SKP1: variants seen among roughly 807,000 people sequenced by gnomAD.
SKP1 encodes S-phase kinase-associated protein 1.
In SKP1, 1 loss-of-function variant was observed where a neutral mutation model predicts 21.5. The ratio of observed to expected loss-of-function variants is 0.05; its 90% CI spans 0.02 to 0.22. The LOEUF is 0.22. Ranked by LOEUF, SKP1 falls within the 10% of genes least tolerant of loss-of-function variation. The pLI, the probability that SKP1 is intolerant of heterozygous loss-of-function variation, is 1.00. For synonymous variants in SKP1, 59 were observed against 59.3 expected (o/e 0.99, Z 0.03); for missense variants, 70 against 192.0 (o/e 0.36, Z 3.76).
chr5:134,166,318 C>T (rs1156423351), intron 3 of SKP1, among the ~76,000 whole-genome samples: 1 of 150,500 alleles, frequency 6.6e-6, no homozygotes, highest in African/African-American at 2.4e-5. Flanking sequence ...CGCGGTGGCT[C>T]ACACCTGTGA....
At chr5:134,159,790 G>A (rs1761185997) in intron 4 of SKP1, among the ~76,000 whole-genome samples, 1 of 151,768 alleles carries the variant, frequency 6.6e-6, no homozygotes, top group African/African-American at 2.4e-5. Flanking sequence ...CTCGTGATCC[G>A]CCCACCTTGG....
intron 2 of SKP1, among the ~76,000 whole-genome samples, chr5:134,168,679 T>C (rs931789475): frequency 6.6e-6 from 1 of 152,094 alleles, no homozygotes; most frequent in South Asian, 2.1e-4. Context: ...CCTAATTCTG[T>C]CTGCATTTTG....
chr5:134,157,972 A>G, intron 5 of SKP1: 1 of 1,517,782 alleles, frequency 6.6e-7, no homozygotes, highest in Non-Finnish European at 8.8e-7. Flanking sequence ...TGAAATTATG[A>G]ACAAAGCAAA....
At chr5:134,162,509 G>A (rs974705398) in intron 3 of SKP1, among the ~76,000 whole-genome samples, 1 of 152,120 alleles carries the variant, frequency 6.6e-6, no homozygotes, top group African/African-American at 2.4e-5. Flanking sequence ...GGGTTCAAGC[G>A]ATTCTCCTGC....
At chr5:134,163,296 A>C (rs1350305814) in intron 3 of SKP1, among the ~76,000 whole-genome samples, 1 of 151,634 alleles carries the variant, frequency 6.6e-6, no homozygotes, top group Non-Finnish European at 1.5e-5. Flanking sequence ...ATATATAAAG[A>C]AACTAATGCC....
At position 134,152,733 on chromosome 5, in the gene SKP1, G is replaced by A. The variant is rs958511441; in HGVS notation, c.*5000C>T. The A allele has an allele frequency of 6.6e-6, 1 of 152,220 alleles. No homozygotes were observed. The allele number at this position is 152,220 out of a possible 1,614,324, so 9.4% of individuals were successfully genotyped here. ...ATTTTTGTATTTTTAGTAGAGATGA[G>A]GTTTCACCATGTTGGCCAGGATGGT... is the stretch of plus-strand genomic sequence containing the variant. On this transcript the variant is annotated 3_prime_UTR_variant, in exon 6 of 6. Coordinates refer to ENST00000353411, the MANE Select transcript of SKP1 (RefSeq NM_170679.3).
Position 134,151,655 on chromosome 5 carries a change from G to C in SKP1, c.*6078C>G. Reference sequence around the variant, plus strand: ...GTCTGAATATACTTAAATACTTCCAGAAAATTTAAAGTTGACAGATATCAG... The same window carrying C: ...GTCTGAATATACTTAAATACTTCCACAAAATTTAAAGTTGACAGATATCAG... On this transcript the variant is annotated 3_prime_UTR_variant, in exon 6 of 6. Transcript: ENST00000353411. The C allele has an allele frequency of 2.2e-6, 1 of 456,102 alleles. No individual in the cohort carries two copies. Among genetic ancestry groups the C allele is most frequent in the Non-Finnish European group, 4.4e-6 (1 of 226,870 alleles). The allele number at this position is 456,102 out of a possible 1,614,324, so 28.3% of individuals were successfully genotyped here.
Position 134,156,924 on chromosome 5 carries a change from C to T in SKP1, c.*809G>A, listed in dbSNP as rs1219156948. The stretch of plus-strand genomic sequence containing the variant: ...AAGTATCTTGCATTCATGATGGATG[C>T]TTTCTGGGTTTTACCACATATTTTA... On this transcript the variant is annotated 3_prime_UTR_variant, in exon 6 of 6. Coordinates refer to ENST00000353411, the MANE Select transcript of SKP1 (RefSeq NM_170679.3). The T allele has an allele frequency of 6.6e-6, 1 of 152,638 alleles. No individual in the cohort carries two copies. The highest frequency in any genetic ancestry group is 2.4e-5 in the African/African-American group (1 of 41,446). The allele number at this position is 152,638 out of a possible 1,614,324, so 9.5% of individuals were successfully genotyped here.
Position 134,152,780 on chromosome 5 carries a change from T to G in SKP1, c.*4953A>C, listed in dbSNP as rs775519640. On this transcript the variant is annotated 3_prime_UTR_variant, in exon 6 of 6. Coordinates refer to ENST00000353411, the MANE Select transcript of SKP1 (RefSeq NM_170679.3). ...TGGTCTCGATCTCTTGACCTCGTGA[T>G]CTGCACACCTCAGCCTCTGAAAATG... 6.6e-6 allele frequency: 1 copy of G among 152,352 alleles called. No individual in the cohort carries two copies. Among genetic ancestry groups the G allele is most frequent in the Non-Finnish European group, 1.5e-5 (1 of 68,142 alleles). The allele number at this position is 152,352 out of a possible 1,614,324, so 9.4% of individuals were successfully genotyped here.
chr5:134,165,299 T>C lies in SKP1; in HGVS notation c.171+1871A>G, dbSNP rs572123056. ...AAAACAGAGAAATGAAAACAGACAA[T>C]GCAGAAAATGTAAATGGCCAGTAAC... On this transcript the variant is annotated intron_variant, in intron 3 of 5. Transcript: ENST00000353411. Among the ~76,000 whole-genome samples, 453 of 152,154 alleles carry C rather than the reference T, an allele frequency of 3.0e-3. 2 individuals are homozygous for C. The highest frequency in any genetic ancestry group is 5.4e-3 in the Non-Finnish European group (364 of 68,024).
In SKP1 at chr5:134,151,061, T is replaced by C. The variant is rs1761035440; in HGVS notation, c.*6672A>G. ...TACTATCACAAGCAGTCCTCACAAG[T>C]TAGGTCACTATTGGTAAGGGATGTT... On this transcript the variant is annotated 3_prime_UTR_variant, in exon 6 of 6. Coordinates refer to ENST00000353411, the MANE Select transcript of SKP1 (RefSeq NM_170679.3). 2 of 152,346 alleles carry C rather than the reference T, an allele frequency of 1.3e-5. No homozygotes were observed. The highest frequency in any genetic ancestry group is 2.1e-4 in the South Asian group (1 of 4,826). 9.4% of individuals were successfully genotyped at this position (152,346 alleles called of 1,614,324 possible).
rs1761055936 is a variant in SKP1, at chr5:134,152,310, T to C, written c.*5423A>G. ...CTGAGTGTCAGCAAAGTACTGTGAC[T>C]AATCCTGCCCTAATTTCTCTTTAGT... is the stretch of plus-strand genomic sequence containing the variant. On this transcript the variant is annotated 3_prime_UTR_variant, in exon 6 of 6. Transcript: ENST00000353411. 6.6e-6 allele frequency: 1 copy of C among 152,272 alleles called. No individual in the cohort carries two copies. Among genetic ancestry groups the C allele is most frequent in the Admixed American group, 6.5e-5 (1 of 15,284 alleles). 9.4% of individuals were successfully genotyped at this position (152,272 alleles called of 1,614,324 possible).
In SKP1 at chr5:134,151,499, TAAG is replaced by T. The variant is rs537405207; in HGVS notation, c.*6231_*6233del. On this transcript the variant is annotated 3_prime_UTR_variant, in exon 6 of 6. Coordinates refer to ENST00000353411, the MANE Select transcript of SKP1 (RefSeq NM_170679.3). ...GTACATTCAGGAAAGAAAGGACAAA[TAAG>T]AATTTTCACCAGATAGGTGGGAGGT... 1.3e-3 allele frequency: 431 copies of T among 323,480 alleles called. No homozygotes were observed. The highest frequency in any genetic ancestry group is 8.5e-3 in the African/African-American group (391 of 46,078). 20.0% of individuals were successfully genotyped at this position (323,480 alleles called of 1,614,324 possible).
At position 134,154,473 on chromosome 5, in the gene SKP1, T is replaced by C. The variant is rs541078503; in HGVS notation, c.*3260A>G. 1.6e-4 allele frequency: 20 copies of C among 126,472 alleles called. No individual in the cohort carries two copies. Among genetic ancestry groups the C allele is most frequent in the African/African-American group, 6.1e-4 (20 of 32,680 alleles). The allele number at this position is 126,472 out of a possible 1,614,324, so 7.8% of individuals were successfully genotyped here. A position where few individuals can be genotyped will look rare whatever the true frequency, so the allele number is the denominator to read the frequency against. On this transcript the variant is annotated 3_prime_UTR_variant, in exon 6 of 6. Coordinates refer to ENST00000353411, the MANE Select transcript of SKP1 (RefSeq NM_170679.3). ...AAAAAAAAAAAAAAAAAAAAAAAAATTATTAGAATTTGAGGGGGCACATCT... is the reference window on the plus strand; with the variant it reads ...AAAAAAAAAAAAAAAAAAAAAAAAACTATTAGAATTTGAGGGGGCACATCT...
At chr5:134,162,874 A>C (rs2149374312) in intron 3 of SKP1, among the ~76,000 whole-genome samples, 1 of 152,110 alleles carries the variant, frequency 6.6e-6, no homozygotes, top group East Asian at 1.9e-4. Context: ...GAAGTTCAAG[A>C]ATAGCCTGGG....
chr5:134,166,455 C>T (rs1306821490), intron 3 of SKP1, among the ~76,000 whole-genome samples: 1 of 151,076 alleles, frequency 6.6e-6, no homozygotes, highest in Non-Finnish European at 1.5e-5. Flanking sequence ...GTGGCGTGTG[C>T]CTGTAGTCCC....
At chr5:134,167,324 G>C (rs1210828355) in intron 2 of SKP1, 81 bp from the exon 3 acceptor site, 1 of 887,456 alleles carries the variant, frequency 1.1e-6, no homozygotes, top group Non-Finnish European at 1.9e-6. Flanking sequence ...CAAAACATAA[G>C]AGTCAGCCCC....
At chr5:134,175,899 G>A (rs1293524304) in intron 1 of SKP1, among the ~76,000 whole-genome samples, 1 of 151,404 alleles carries the variant, frequency 6.6e-6, no homozygotes, top group African/African-American at 2.4e-5. Flanking sequence ...AATTCTCCAT[G>A]GCCAGCATAA....
intron 3 of SKP1, chr5:134,161,384 A>G (rs930328645): frequency 3.1e-6 from 1 of 324,892 alleles, no homozygotes; most frequent in Non-Finnish European, 5.6e-6. Context: ...TTCTATGCAA[A>G]AAGAAAAGTT....
Sources: allele counts gnomAD v4.1 joint callset (sites outside exome capture counted in the v4.1 genomes callset), GRCh38; gene constraint gnomAD v4.1.1; transcripts MANE v1.5; gene names NCBI Gene and HGNC (gene_info 2026-07-23, HGNC 2026-07-21).